Variants in FAM133B observed in about 807,000 individuals in gnomAD.
FAM133B encodes protein FAM133B.
In FAM133B, 25 loss-of-function variants were observed where a neutral mutation model predicts 46.4. That is an observed-to-expected ratio of 0.54 (90% CI 0.39 to 0.75). The LOEUF (loss-of-function observed/expected upper bound fraction) is 0.75. Among genes scored for constraint, FAM133B ranks in the 30% least tolerant of loss-of-function variants. The probability of loss-of-function intolerance (pLI) is 0.00; values close to 1 mark genes in which losing one functional copy is unlikely to be tolerated. For synonymous variants in FAM133B, 75 were observed against 86.0 expected (o/e 0.87, Z 0.71); for missense variants, 205 against 277.6 (o/e 0.74, Z 1.86).
chr7:92,577,830 A>C (rs1240839075), intron 5 of FAM133B, 113 bp from the exon 6 acceptor site: 1 of 821,190 alleles, frequency 1.2e-6, no homozygotes, highest in Non-Finnish European at 1.9e-6. Context: ...CAGATGCCAT[A>C]TTCATAAGTC....
intron 2 of FAM133B, 21 bp downstream of exon 2, chr7:92,581,485 G>T: frequency 6.3e-7 from 1 of 1,584,906 alleles, no homozygotes; most frequent in Non-Finnish European, 8.7e-7. Flanking sequence ...CTTATAAATA[G>T]GTAAAGTGTT....
At chr7:92,590,193 G>T (rs139630351) in intron 1 of FAM133B, 75 bp downstream of exon 1, 2 of 1,610,362 alleles carry the variant, frequency 1.2e-6, no homozygotes. Context: ...CGGCCCGGCC[G>T]GGAACAGCGA....
At chr7:92,587,916 G>A (rs1795083499) in intron 1 of FAM133B, among the ~76,000 whole-genome samples, 1 of 152,100 alleles carries the variant, frequency 6.6e-6, no homozygotes, top group South Asian at 2.1e-4. Flanking sequence ...GTGGGGTCAG[G>A]AGGTAAACGG....
chr7:92,569,603 G>C (rs749646442), intron 9 of FAM133B: 29 of 283,746 alleles, frequency 1.0e-4, no homozygotes, highest in Admixed American at 1.1e-4. Flanking sequence ...TCTCAGATTA[G>C]AAAGGTATGT....
chr7:92,577,956 CGTTATAAGGTG>C, intron 5 of FAM133B, 183 bp downstream of exon 5: 1 of 654,834 alleles, frequency 1.5e-6, no homozygotes, highest in Non-Finnish European at 2.6e-6. Flanking sequence ...AAATGTACTA[CGTTATAAGGTG>C]GTTGGCACCG....
chr7:92,590,227 G>A, intron 1 of FAM133B, 41 bp downstream of exon 1: 1 of 1,613,550 alleles, frequency 6.2e-7, no homozygotes, highest in Non-Finnish European at 8.5e-7. Flanking sequence ...CCTGCCGCCG[G>A]GCCCTGCGTC....
intron 2 of FAM133B, among the ~76,000 whole-genome samples, chr7:92,581,242 G>C (rs1327836111): frequency 6.6e-6 from 1 of 152,196 alleles, no homozygotes; most frequent in East Asian, 1.9e-4. Flanking sequence ...GCAAGGTTAG[G>C]GTCTTTTATG....
At chr7:92,572,094 T>C (rs973258848) in intron 8 of FAM133B, among the ~76,000 whole-genome samples, 4 of 152,158 alleles carry the variant, frequency 2.6e-5, no homozygotes, top group Non-Finnish European at 5.9e-5. Context: ...TATATAATTA[T>C]AATAGACACA....
At chr7:92,588,541 G>C (rs1044427678) in intron 1 of FAM133B, among the ~76,000 whole-genome samples, 2 of 152,168 alleles carry the variant, frequency 1.3e-5, no homozygotes, top group African/African-American at 4.8e-5. Flanking sequence ...TTGTAATCAA[G>C]ATTCACTACC....
intron 10 of FAM133B, among the ~76,000 whole-genome samples, chr7:92,563,639 A>G (rs1025076843): frequency 3.3e-5 from 5 of 152,334 alleles, no homozygotes; most frequent in African/African-American, 4.8e-5. Context: ...CCTCAGGACG[A>G]TAAGTGCCTC....
chr7:92,563,897 C>G (rs990675270), intron 10 of FAM133B, among the ~76,000 whole-genome samples: 1 of 152,216 alleles, frequency 6.6e-6, no homozygotes, highest in Admixed American at 6.5e-5. Context: ...GCCAGTCCAA[C>G]TCCATTACTA....
At chr7:92,586,909 T>C (rs767169368) in intron 1 of FAM133B, among the ~76,000 whole-genome samples, 2 of 152,142 alleles carry the variant, frequency 1.3e-5, no homozygotes, top group Non-Finnish European at 2.9e-5. Context: ...AGTCCTGAAT[T>C]AAAACGTTCA....
chr7:92,582,729 TA>T (rs1213446982), intron 1 of FAM133B, among the ~76,000 whole-genome samples: 2 of 151,812 alleles, frequency 1.3e-5, no homozygotes, highest in Non-Finnish European at 2.9e-5. Flanking sequence ...AATAAACACA[TA>T]AAAAAATGTT....
At chr7:92,572,751 G>C (rs910655242) in intron 8 of FAM133B, among the ~76,000 whole-genome samples, 25 of 152,076 alleles carry the variant, frequency 1.6e-4, no homozygotes, top group African/African-American at 6.0e-4. Context: ...AGTAACTGTG[G>C]AAAAGAAGAA....
chr7:92,575,242 G>A (rs1033995263), intron 8 of FAM133B, among the ~76,000 whole-genome samples: 5 of 152,174 alleles, frequency 3.3e-5, no homozygotes, highest in Admixed American at 1.3e-4. Context: ...CGGAGAGGCC[G>A]AGGCAGGCGC....
chr7:92,577,263 T>C, intron 6 of FAM133B, 68 bp from the exon 7 acceptor site: 6 of 1,127,810 alleles, frequency 5.3e-6, no homozygotes, highest in African/African-American at 1.6e-5. Context: ...TTTATTAATA[T>C]AAAACTTTTA....
chr7:92,573,407 A>G (rs1007478537), intron 8 of FAM133B, among the ~76,000 whole-genome samples: 1 of 151,684 alleles, frequency 6.6e-6, no homozygotes, highest in Non-Finnish European at 1.5e-5. Flanking sequence ...CTCCTGCCTC[A>G]GCCTCCCAAA....
At chr7:92,572,302 T>C (rs1794555556) in intron 8 of FAM133B, among the ~76,000 whole-genome samples, 1 of 152,216 alleles carries the variant, frequency 6.6e-6, no homozygotes, top group South Asian at 2.1e-4. Flanking sequence ...GAAACAAGGG[T>C]ATTTTTATAC....
intron 7 of FAM133B, 46 bp downstream of exon 7, chr7:92,577,053 CTTAA>C (rs1183213666): frequency 8.4e-6 from 10 of 1,192,250 alleles, no homozygotes; most frequent in Non-Finnish European, 1.0e-5. Flanking sequence ...GGCAGAAAAA[CTTAA>C]TTAAATGTCT....
Sources: gnomAD v4.1 joint callset for allele counts (sites outside exome capture counted in the v4.1 genomes callset) on GRCh38, gnomAD v4.1.1 for gene constraint, MANE v1.5 for transcripts, NCBI Gene and HGNC (gene_info 2026-07-23, HGNC 2026-07-21) for gene names.